The following TENM2 variants were observed in gnomAD, a reference collection of about 807,000 sequenced individuals.
TENM2 encodes the protein teneurin transmembrane protein 2.
Under a neutral mutation model 245.2 loss-of-function variants are expected in TENM2, and 52 were observed. That is an observed-to-expected ratio of 0.21 (90% confidence interval 0.17 to 0.27). The LOEUF is 0.27. Ranked by LOEUF, TENM2 falls within the 10% of genes least tolerant of loss-of-function variation. TENM2 has a pLI of 1.00. For synonymous variants in TENM2, 1,363 were observed against 1,438.9 expected (o/e 0.95, Z 1.19); for missense variants, 3,046 against 3,666.8 (o/e 0.83, Z 4.37).
At chr5:167,980,894 T>C (rs1276560919) in intron 4 of TENM2, among the ~76,000 whole-genome samples, 6 of 152,080 alleles carry the variant, frequency 3.9e-5, no homozygotes, top group African/African-American at 1.4e-4. Flanking sequence ...CCTAGTGAAG[T>C]AGATGGCATG....
intron 8 of TENM2, among the ~76,000 whole-genome samples, chr5:168,092,196 G>T (rs1793003024): frequency 1.3e-5 from 2 of 152,160 alleles, no homozygotes; most frequent in African/African-American, 4.8e-5. Flanking sequence ...CTTCAGAAAG[G>T]TGTAAAATCA....
At chr5:167,476,648 G>A (rs771238351) in intron 2 of TENM2, among the ~76,000 whole-genome samples, 1 of 152,006 alleles carries the variant, frequency 6.6e-6, no homozygotes, top group Non-Finnish European at 1.5e-5. Context: ...GCCCAGGCTG[G>A]GGTGCAATGG....
intron 2 of TENM2, among the ~76,000 whole-genome samples, chr5:167,664,569 T>C (rs969080457): frequency 1.3e-5 from 2 of 152,224 alleles, no homozygotes; most frequent in Admixed American, 1.3e-4. Context: ...TAGCATCACC[T>C]TCTTCTAATA....
chr5:167,781,647 A>T (rs1435691450), intron 2 of TENM2, among the ~76,000 whole-genome samples: 1 of 152,232 alleles, frequency 6.6e-6, no homozygotes. Context: ...TTCTAAACTC[A>T]GGCTATAGGC....
At chr5:167,769,225 A>T (rs535054689) in intron 2 of TENM2, among the ~76,000 whole-genome samples, 3 of 152,184 alleles carry the variant, frequency 2.0e-5, no homozygotes, top group Non-Finnish European at 4.4e-5. Context: ...TGTCAATAAC[A>T]ATCTGGTTGT....
chr5:167,508,244 C>A (rs567269720), intron 2 of TENM2, among the ~76,000 whole-genome samples: 1 of 152,266 alleles, frequency 6.6e-6, no homozygotes, highest in East Asian at 1.9e-4. Context: ...AAGCTCCACA[C>A]ACCCCCTTTT....
chr5:167,713,711 C>T (rs372398032), intron 2 of TENM2, among the ~76,000 whole-genome samples: 18 of 152,326 alleles, frequency 1.2e-4, no homozygotes, highest in African/African-American at 3.8e-4. Context: ...CACACATGCA[C>T]GTACATGCAT....
chr5:167,848,129 C>T (rs1770219741), intron 2 of TENM2, among the ~76,000 whole-genome samples: 1 of 152,162 alleles, frequency 6.6e-6, no homozygotes, highest in Non-Finnish European at 1.5e-5. Context: ...TCATTAGGAA[C>T]ATGTAGAGAA....
At chr5:167,732,318 G>A (rs1432346523) in intron 2 of TENM2, among the ~76,000 whole-genome samples, 1 of 152,090 alleles carries the variant, frequency 6.6e-6, no homozygotes, top group East Asian at 1.9e-4. Flanking sequence ...GCTGTCCAGG[G>A]AGAAAATGTG....
intron 2 of TENM2, among the ~76,000 whole-genome samples, chr5:167,611,224 A>G (rs1052091179): frequency 2.6e-5 from 4 of 152,156 alleles, no homozygotes; most frequent in African/African-American, 9.7e-5. Flanking sequence ...AGCATTTGAC[A>G]TTATCAATAT....
intron 2 of TENM2, among the ~76,000 whole-genome samples, chr5:167,379,381 G>C (rs1039967279): frequency 2.0e-5 from 3 of 152,108 alleles, no homozygotes; most frequent in Admixed American, 2.0e-4. Context: ...AGGGAAGGAA[G>C]GATTTTCCTT....
chr5:167,342,631 C>T (rs1030397497), intron 1 of TENM2, among the ~76,000 whole-genome samples: 1 of 146,462 alleles, frequency 6.8e-6, no homozygotes, highest in African/African-American at 2.5e-5. Flanking sequence ...GGGTTCACGC[C>T]ATTCTCCTGC....
chr5:167,012,474 G>A, the TENM2 span, among the ~76,000 whole-genome samples: 1 of 152,196 alleles, frequency 6.6e-6, no homozygotes, highest in Non-Finnish European at 1.5e-5. Context: ...GAAAAGCACA[G>A]TGTGTGTAGA....
the TENM2 span, among the ~76,000 whole-genome samples, chr5:167,045,691 T>G: frequency 6.6e-6 from 1 of 152,218 alleles, no homozygotes; most frequent in Non-Finnish European, 1.5e-5. Context: ...TTATCCAGTT[T>G]ATTCACTCAA....
the TENM2 span, among the ~76,000 whole-genome samples, chr5:167,018,282 C>A: frequency 6.6e-6 from 1 of 151,988 alleles, no homozygotes; most frequent in East Asian, 1.9e-4. Flanking sequence ...CATTGTTACA[C>A]CCATAATAAA....
intron 2 of TENM2, among the ~76,000 whole-genome samples, chr5:167,678,306 AC>A (rs1449921956): frequency 6.6e-6 from 1 of 152,134 alleles, no homozygotes; most frequent in Non-Finnish European, 1.5e-5. Flanking sequence ...AAGATACGAA[AC>A]ACTTCTTGTT....
intron 2 of TENM2, among the ~76,000 whole-genome samples, chr5:167,846,916 TCTTCCTTTTGGATTG>T (rs1434095371): frequency 1.3e-5 from 2 of 152,044 alleles, no homozygotes; most frequent in Non-Finnish European, 2.9e-5. Context: ...CATCAGAGAA[TCTTCCTTTTGGATTG>T]GACCACAGAA....
chr5:167,900,943 G>C (rs890853007), intron 3 of TENM2, among the ~76,000 whole-genome samples: 3 of 152,062 alleles, frequency 2.0e-5, no homozygotes, highest in African/African-American at 7.2e-5. Flanking sequence ...CCTGCGGGGT[G>C]GGGGACAGGA....
the TENM2 span, among the ~76,000 whole-genome samples, chr5:167,023,218 C>A: frequency 1.3e-5 from 2 of 152,208 alleles, no homozygotes. Context: ...CATTCCCTTG[C>A]AACTAAACTT....
Sources: gnomAD v4.1 joint callset for allele counts (sites outside exome capture counted in the v4.1 genomes callset) on GRCh38, gnomAD v4.1.1 for gene constraint, MANE v1.5 for transcripts, NCBI Gene and HGNC (gene_info 2026-07-23, HGNC 2026-07-21) for gene names.